The following RARB variants were observed in gnomAD, a reference collection of about 807,000 sequenced individuals.
RARB encodes the protein HBV-activated protein.
RARB carries 17 observed loss-of-function variants against 51.9 expected under a neutral mutation model. That is an observed-to-expected ratio of 0.33 (90% CI 0.22 to 0.49). The LOEUF is 0.49. Among genes scored for constraint, RARB ranks in the 20% least tolerant of loss-of-function variants. The probability of loss-of-function intolerance (pLI) is 0.99; values close to 1 mark genes in which losing one functional copy is unlikely to be tolerated. For synonymous variants in RARB, 215 were observed against 195.4 expected, an observed-to-expected ratio of 1.10 and a Z score of -0.84; for missense variants, 369 against 550.8, an observed-to-expected ratio of 0.67 and a Z score of 3.30.
At chr3:25,337,217 C>G (rs1337374073) in intron 5 of RARB, among the ~76,000 whole-genome samples, 1 of 152,048 alleles carries the variant, frequency 6.6e-6, no homozygotes, top group Non-Finnish European at 1.5e-5. Context: ...CCAACCCCCA[C>G]CCCCACAAAA....
At chr3:25,226,973 T>TTTATTTAATTAGATCA (rs1159207395) in intron 5 of RARB, among the ~76,000 whole-genome samples, 4 of 152,228 alleles carry the variant, frequency 2.6e-5, no homozygotes, top group Non-Finnish European at 5.9e-5. Flanking sequence ...ATGATAATTG[T>TTTATTTAATTAGATCA]TTATTTAATT....
At chr3:25,155,719 C>A (rs1200074102) in intron 4 of RARB, among the ~76,000 whole-genome samples, 2 of 152,162 alleles carry the variant, frequency 1.3e-5, no homozygotes, top group East Asian at 3.9e-4. Flanking sequence ...AGCAATAGGA[C>A]TCTTTCCACA....
intron 1 of RARB, among the ~76,000 whole-genome samples, chr3:25,430,788 A>C (rs1293857282): frequency 6.6e-6 from 1 of 152,146 alleles, no homozygotes; most frequent in African/African-American, 2.4e-5. Context: ...CCAGTGTCTT[A>C]TTTTTGTAAG....
chr3:25,484,417 G>GAGAA (rs1263475983), intron 2 of RARB, among the ~76,000 whole-genome samples: 3 of 152,068 alleles, frequency 2.0e-5, no homozygotes, highest in African/African-American at 4.8e-5. Flanking sequence ...GTGAGAGAGT[G>GAGAA]AGAAAGAGAC....
At chr3:25,033,286 G>T (rs1271809414) in intron 2 of RARB, among the ~76,000 whole-genome samples, 1 of 152,116 alleles carries the variant, frequency 6.6e-6, no homozygotes, top group Non-Finnish European at 1.5e-5. Flanking sequence ...ATTAAAGTAG[G>T]GGTCACTCAT....
intron 3 of RARB, among the ~76,000 whole-genome samples, chr3:25,063,345 G>C (rs1698589006): frequency 6.6e-6 from 1 of 152,032 alleles, no homozygotes; most frequent in African/African-American, 2.4e-5. Context: ...CTTTGTAACT[G>C]AGAGATATCA....
intron 2 of RARB, among the ~76,000 whole-genome samples, chr3:24,939,854 A>G (rs998816702): frequency 2.6e-5 from 4 of 152,248 alleles, no homozygotes; most frequent in African/African-American, 9.6e-5. Flanking sequence ...CATGTGTGGT[A>G]TGACCATGAC....
chr3:24,843,705 A>T (rs1702448341), intron 1 of RARB, among the ~76,000 whole-genome samples: 1 of 152,140 alleles, frequency 6.6e-6, no homozygotes, highest in Admixed American at 6.5e-5. Context: ...AGGAATGCAG[A>T]ACTAGGGCTC....
At chr3:25,016,110 A>G (rs1246543551) in intron 2 of RARB, among the ~76,000 whole-genome samples, 3 of 152,188 alleles carry the variant, frequency 2.0e-5, no homozygotes, top group Non-Finnish European at 1.5e-5. Flanking sequence ...CAAGGGCAAA[A>G]TCAGTATGAG....
intron 5 of RARB, among the ~76,000 whole-genome samples, chr3:25,346,457 G>A (rs1705396716): frequency 6.6e-6 from 1 of 152,104 alleles, no homozygotes; most frequent in Non-Finnish European, 1.5e-5. Flanking sequence ...AAAAATTGAT[G>A]GCTAAACAAA....
At chr3:25,112,903 C>A (rs1398895522) in intron 3 of RARB, among the ~76,000 whole-genome samples, 3 of 152,110 alleles carry the variant, frequency 2.0e-5, no homozygotes, top group Admixed American at 2.0e-4. Context: ...TGTGCAAGAT[C>A]TTCTGTGTTC....
At chr3:25,051,506 A>G (rs1271760470) in intron 2 of RARB, among the ~76,000 whole-genome samples, 1 of 152,152 alleles carries the variant, frequency 6.6e-6, no homozygotes, top group African/African-American at 2.4e-5. Context: ...TTATTTGCAA[A>G]GATCAAGCGG....
intron 2 of RARB, among the ~76,000 whole-genome samples, chr3:24,905,707 G>A (rs1049171359): frequency 1.3e-5 from 2 of 152,192 alleles, no homozygotes; most frequent in Admixed American, 6.5e-5. Flanking sequence ...AAAATAATGA[G>A]GAAGGGTAAT....
chr3:25,435,878 A>T (rs79599137), intron 1 of RARB, among the ~76,000 whole-genome samples: 22,840 of 152,162 alleles, frequency 0.15, 2,088 homozygotes, highest in Non-Finnish European at 0.21. Context: ...TATACATTAT[A>T]TTACAGTAGT....
intron 5 of RARB, among the ~76,000 whole-genome samples, chr3:25,304,160 A>C (rs1704104197): frequency 6.6e-6 from 1 of 152,158 alleles, no homozygotes; most frequent in South Asian, 2.1e-4. Context: ...TTCCATCCCT[A>C]AACAGAACTG....
chr3:25,323,846 T>G (rs1439274156), intron 5 of RARB, among the ~76,000 whole-genome samples: 1 of 152,222 alleles, frequency 6.6e-6, no homozygotes, highest in Non-Finnish European at 1.5e-5. Flanking sequence ...GACTTCCAGT[T>G]AAGTGTGGTC....
chr3:25,263,613 G>C (rs1207925346), intron 5 of RARB, among the ~76,000 whole-genome samples: 1 of 152,114 alleles, frequency 6.6e-6, no homozygotes, highest in Admixed American at 6.6e-5. Context: ...ACAGGCTATG[G>C]GCCTCAAGTG....
chr3:25,557,902 G>A lies in RARB; in HGVS notation c.449-11856G>A, dbSNP rs1700125685. On this transcript the variant is annotated intron_variant, in intron 3 of 7. Coordinates refer to ENST00000330688, the MANE Select transcript of RARB (RefSeq NM_000965.5). ...AAGCTGCCCTGTTGCTTCTCTCTAGGTCTGCAAACTGGCTCTCTTTTCTGC... is the reference window on the plus strand; with the variant it reads ...AAGCTGCCCTGTTGCTTCTCTCTAGATCTGCAAACTGGCTCTCTTTTCTGC... Among the ~76,000 whole-genome samples the A allele has an allele frequency of 2.0e-5, 3 of 152,206 alleles. No individual in the cohort carries two copies. The South Asian group carries it at 6.2e-4, about 32-fold the overall frequency.
At chr3:25,317,233 A>G (rs1295399085) in intron 5 of RARB, among the ~76,000 whole-genome samples, 1 of 152,070 alleles carries the variant, frequency 6.6e-6, no homozygotes, top group African/African-American at 2.4e-5. Flanking sequence ...AATAAGTAGG[A>G]TAGTCACTAA....
Sources: gnomAD v4.1 joint callset for allele counts (sites outside exome capture counted in the v4.1 genomes callset) on GRCh38, gnomAD v4.1.1 for gene constraint, MANE v1.5 for transcripts, NCBI Gene and HGNC (gene_info 2026-07-23, HGNC 2026-07-21) for gene names.